STK32B: variants seen among roughly 807,000 people sequenced by gnomAD.
STK32B encodes the protein serine/threonine kinase 32B.
A neutral mutation model predicts 52.6 loss-of-function variants in STK32B; 43 were observed. That is an observed-to-expected ratio of 0.82 (90% CI 0.64 to 1.05). The LOEUF (loss-of-function observed/expected upper bound fraction) is 1.05, where lower values mean the gene tolerates loss of function less well. Ranked by LOEUF, STK32B falls within the 50% of genes least tolerant of loss-of-function variation. STK32B has a pLI of 0.00. For synonymous variants in STK32B, 238 were observed against 204.3 expected (o/e 1.17, Z -1.41); for missense variants, 621 against 534.6 (o/e 1.16, Z -1.59).
At chr4:5,105,264 G>A (rs1253444707) in intron 1 of STK32B, among the ~76,000 whole-genome samples, 10 of 152,024 alleles carry the variant, frequency 6.6e-5, no homozygotes, top group African/African-American at 1.9e-4. Flanking sequence ...GAGGCCAGAA[G>A]TTCAATACTA....
At chr4:5,491,563 G>A (rs921740186) in intron 11 of STK32B, among the ~76,000 whole-genome samples, 31 of 151,736 alleles carry the variant, frequency 2.0e-4, no homozygotes, top group African/African-American at 6.5e-4. Flanking sequence ...CTTTTGCTGT[G>A]CAGAAGCTCT....
intron 3 of STK32B, among the ~76,000 whole-genome samples, chr4:5,297,957 T>C (rs1729313314): frequency 6.6e-6 from 1 of 151,594 alleles, no homozygotes; most frequent in African/African-American, 2.4e-5. Flanking sequence ...GACATTTGGA[T>C]GAGGCTTTTG....
Position 5,184,697 on chromosome 4 carries a change from AG to A in STK32B, c.260+16248del, listed in dbSNP as rs1309415679. ...GCGAGACTGTCTCAAAAAAAAAAAA[AG>A]AAGAAGAAGAAGAAAAAGAAAACAA... On this transcript the variant is annotated intron_variant, in intron 3 of 11. Coordinates refer to ENST00000282908, the MANE Select transcript of STK32B (RefSeq NM_018401.3). Among the ~76,000 whole-genome samples the A allele has an allele frequency of 2.0e-3, 272 of 135,920 alleles. 5 individuals are homozygous for A. The highest frequency in any genetic ancestry group is 9.0e-3 in the East Asian group (41 of 4,570). 89.2% of individuals were successfully genotyped at this position (135,920 alleles called of 152,430 possible). A position where few individuals can be genotyped will look rare whatever the true frequency, so the allele number is the denominator to read the frequency against.
chr4:5,350,910 T>G (rs567044827), intron 4 of STK32B, among the ~76,000 whole-genome samples: 314 of 152,064 alleles, frequency 2.1e-3, no homozygotes, highest in African/African-American at 7.4e-3. Flanking sequence ...TATATAATGA[T>G]AAAGGGCTTA....
chr4:5,304,774 G>T (rs1027638739), intron 3 of STK32B, among the ~76,000 whole-genome samples: 1 of 143,058 alleles, frequency 7.0e-6, no homozygotes, highest in South Asian at 2.1e-4. Flanking sequence ...TATCGGGGAG[G>T]GGGGGTGCTT....
chr4:5,194,824 A>C (rs1177275620), intron 3 of STK32B, among the ~76,000 whole-genome samples: 4 of 152,182 alleles, frequency 2.6e-5, no homozygotes, highest in Admixed American at 2.6e-4. Context: ...CTTACATGGC[A>C]GGAGCAAGAT....
chr4:5,218,791 G>A (rs1415832251), intron 3 of STK32B, among the ~76,000 whole-genome samples: 3 of 152,176 alleles, frequency 2.0e-5, no homozygotes, highest in African/African-American at 4.8e-5. Context: ...CCAAGAAAAC[G>A]GTCAAGTGTT....
the STK32B span, among the ~76,000 whole-genome samples, chr4:5,025,546 G>A: frequency 6.6e-6 from 1 of 152,184 alleles, no homozygotes; most frequent in Admixed American, 6.5e-5. Context: ...GGATAACTCT[G>A]AGGTGAATTC....
At chr4:5,420,916 T>C (rs1022279392) in intron 6 of STK32B, among the ~76,000 whole-genome samples, 1 of 152,126 alleles carries the variant, frequency 6.6e-6, no homozygotes, top group Non-Finnish European at 1.5e-5. Context: ...TTTGTTTTTT[T>C]AAGACAGAGT....
rs377423700 is a variant in STK32B, at chr4:5,476,195, C to T, written c.1106+8125C>T. On this transcript the variant is annotated intron_variant, in intron 11 of 11. Transcript: ENST00000282908. ...GATTACAGGTGTGAGCCACTGCACCCGGCCTCACAATCTTGATTTATAAGT... is the reference window on the plus strand; with the variant it reads ...GATTACAGGTGTGAGCCACTGCACCTGGCCTCACAATCTTGATTTATAAGT... Among the ~76,000 whole-genome samples the T allele has an allele frequency of 1.4e-4, 21 of 152,128 alleles. 1 individual carries two copies. The highest frequency in any genetic ancestry group is 5.1e-4 in the African/African-American group (21 of 41,502).
chr4:5,130,981 G>A (rs1715737810), intron 1 of STK32B, among the ~76,000 whole-genome samples: 2 of 152,166 alleles, frequency 1.3e-5, no homozygotes, highest in African/African-American at 4.8e-5. Context: ...AGAGGATGGA[G>A]TGGATTCTTC....
At chr4:5,147,653 A>T (rs1216620222) in intron 2 of STK32B, among the ~76,000 whole-genome samples, 1 of 151,998 alleles carries the variant, frequency 6.6e-6, no homozygotes, top group Non-Finnish European at 1.5e-5. Flanking sequence ...TCTATCAAAT[A>T]CTTTTTGTGC....
At chr4:5,393,020 A>C (rs891455649) in intron 4 of STK32B, among the ~76,000 whole-genome samples, 1 of 152,238 alleles carries the variant, frequency 6.6e-6, no homozygotes, top group Non-Finnish European at 1.5e-5. Flanking sequence ...ATTGTCACTC[A>C]GTTTCTAGGA....
At chr4:5,141,633 C>T (rs1716460514) in intron 2 of STK32B, among the ~76,000 whole-genome samples, 1 of 152,070 alleles carries the variant, frequency 6.6e-6, no homozygotes. Flanking sequence ...CAGCGGGGAG[C>T]CCTGTGGGGA....
At chr4:5,471,098 C>A (rs1437056376) in intron 11 of STK32B, among the ~76,000 whole-genome samples, 2 of 152,220 alleles carry the variant, frequency 1.3e-5, no homozygotes, top group African/African-American at 4.8e-5. Flanking sequence ...AGATAAATCA[C>A]ACATCACACA....
At chr4:5,331,141 C>A in intron 3 of STK32B, 79 bp from the exon 4 acceptor site, 1 of 1,393,550 alleles carries the variant, frequency 7.2e-7, no homozygotes, top group Admixed American at 2.2e-5. Context: ...GTTTGCTCTT[C>A]TGTAAAATGG....
chr4:5,365,224 T>C (rs1734802771), intron 4 of STK32B, among the ~76,000 whole-genome samples: 1 of 152,188 alleles, frequency 6.6e-6, no homozygotes, highest in African/African-American at 2.4e-5. Flanking sequence ...TACTGAACAA[T>C]GTAATTACTT....
intron 4 of STK32B, among the ~76,000 whole-genome samples, chr4:5,360,156 C>A (rs968404549): frequency 6.6e-6 from 1 of 152,118 alleles, no homozygotes; most frequent in African/African-American, 2.4e-5. Flanking sequence ...TTGGCCAAAC[C>A]AGCCACAGTT....
chr4:5,398,026 G>T lies in STK32B; in HGVS notation c.435-181G>T, dbSNP rs2301860. ...TGCACTTCCAGGAAAGAGAAGAGGCGATAAGAACACAGGTGTCCCATTATC... is the reference window on the plus strand; with the variant it reads ...TGCACTTCCAGGAAAGAGAAGAGGCTATAAGAACACAGGTGTCCCATTATC... On this transcript the variant is annotated intron_variant, in intron 4 of 11. Coordinates refer to ENST00000282908, the MANE Select transcript of STK32B (RefSeq NM_018401.3). This position sits in a 1 kb window ranked among gnomAD's most constrained non-coding sequence, Gnocchi z 4.9. Among the ~76,000 whole-genome samples, 1 of 152,178 alleles carries T rather than the reference G, an allele frequency of 6.6e-6. No individual in the cohort carries two copies. The highest frequency in any genetic ancestry group is 2.4e-5 in the African/African-American group (1 of 41,450).
Sources: allele counts gnomAD v4.1 joint callset (sites outside exome capture counted in the v4.1 genomes callset), GRCh38; gene constraint gnomAD v4.1.1; non-coding constraint Gnocchi (gnomAD v3.1); transcripts MANE v1.5; gene names NCBI Gene and HGNC (gene_info 2026-07-23, HGNC 2026-07-21).